Variants in NUP107 observed in about 807,000 individuals in gnomAD.
NUP107 encodes the protein nuclear pore complex protein Nup107.
NUP107 carries 101 observed loss-of-function variants against 141.0 expected under a neutral mutation model. That is an observed-to-expected ratio of 0.72 (90% CI 0.61 to 0.84). NUP107 has a LOEUF of 0.84. Ranked by LOEUF, NUP107 falls within the 40% of genes least tolerant of loss-of-function variation. The probability of loss-of-function intolerance (pLI) is 0.00; values close to 1 mark genes in which losing one functional copy is unlikely to be tolerated. For missense variants in NUP107, 941 were observed against 1,102.7 expected, an observed-to-expected ratio of 0.85 and a Z score of 2.08; for synonymous variants, 319 against 363.9, an observed-to-expected ratio of 0.88 and a Z score of 1.41.
Position 68,719,536 on chromosome 12 carries a change from G to A in NUP107, c.1175-42G>A, listed in dbSNP as rs375155717. 2.6e-5 allele frequency: 40 copies of A among 1,567,592 alleles called. No individual in the cohort carries two copies. In the African/African-American group the frequency reaches 5.3e-4, roughly 21 times the overall value. On this transcript the variant is annotated intron_variant, in intron 13 of 27. Transcript: ENST00000229179. The stretch of plus-strand genomic sequence containing the variant: ...CTCTTTTTAGAAAGAATTGTAATAA[G>A]GTCTTATTTTAAACCAGAAATTTTC...
chr12:68,716,925 T>A (rs561987007), intron 12 of NUP107, among the ~76,000 whole-genome samples: 43 of 151,716 alleles, frequency 2.8e-4, no homozygotes, highest in Middle Eastern at 3.4e-3. Context: ...TGAGATGGAG[T>A]CTCGCTCTGT....
intron 7 of NUP107, among the ~76,000 whole-genome samples, chr12:68,701,446 C>T (rs1876322875): frequency 6.6e-6 from 1 of 152,100 alleles, no homozygotes; most frequent in African/African-American, 2.4e-5. Context: ...CTTTGGGAGG[C>T]CAAGGTGGGT....
At position 68,726,565 on chromosome 12, in the gene NUP107, G is replaced by A. The variant is rs776367548; in HGVS notation, c.1643G>A (p.Arg548His). Residue 548 changes from arginine (R) to histidine (H), a missense_variant, in exon 19 of 28, where the codon CGC becomes CAC. Physicochemically the swap from Arg to His is conservative, Grantham distance 29. Transcript: ENST00000229179. ...AACAATCTACCTGGACACCTGCTTC[G>A]CTTTATGACTCACCTTATTTTGTTT... is the stretch of plus-strand genomic sequence containing the variant. ...SRNNLPGHLL[R>H]FMTHLILFFR... The A allele has an allele frequency of 1.9e-5, 30 of 1,613,764 alleles. No homozygotes were observed. The highest frequency in any genetic ancestry group is 9.9e-5 in the South Asian group (9 of 91,062).
At chr12:68,687,748 G>GC (rs1875568845) in intron 1 of NUP107, 1 of 636,438 alleles carries the variant, frequency 1.6e-6, no homozygotes, top group Non-Finnish European at 2.0e-6. Context: ...TGTTCTAAAG[G>GC]CGTTGAATAT....
At chr12:68,690,073 C>T (rs1027313276) in intron 3 of NUP107, among the ~76,000 whole-genome samples, 11 of 151,444 alleles carry the variant, frequency 7.3e-5, no homozygotes, top group Admixed American at 1.3e-4. Context: ...CCAGCTACTC[C>T]GGAGGGTGAG....
intron 6 of NUP107, among the ~76,000 whole-genome samples, chr12:68,697,747 T>C (rs1271587379): frequency 6.6e-6 from 1 of 152,090 alleles, no homozygotes; most frequent in Non-Finnish European, 1.5e-5. Context: ...AAAAATGCTT[T>C]GGCCAGACGT....
Position 68,706,149 on chromosome 12 carries a change from T to G in NUP107, c.730-3089T>G, listed in dbSNP as rs9668282. 4,965 of 766,144 alleles carry G rather than the reference T, an allele frequency of 6.5e-3. 178 individuals are homozygous for G. The African/African-American group carries it at 0.074, about 11-fold the overall frequency. The allele number at this position is 766,144 out of a possible 1,614,324, so 47.5% of individuals were successfully genotyped here. On this transcript the variant is annotated intron_variant, in intron 8 of 27. Coordinates refer to ENST00000229179, the MANE Select transcript of NUP107 (RefSeq NM_020401.4). ...GAACTTGATAACATGCAGGGGCTGG[T>G]GGAGGACTTCAAGAACAAGTACGAG...
chr12:68,717,301 T>G (rs532420844), intron 12 of NUP107, among the ~76,000 whole-genome samples: 2 of 152,122 alleles, frequency 1.3e-5, no homozygotes, highest in Non-Finnish European at 2.9e-5. Flanking sequence ...AGATAGTGAG[T>G]GTTTTGTATT....
intron 6 of NUP107, among the ~76,000 whole-genome samples, chr12:68,698,124 G>A (rs1421505435): frequency 6.6e-6 from 1 of 151,702 alleles, no homozygotes; most frequent in Non-Finnish European, 1.5e-5. Context: ...CTATTAGAAT[G>A]ATGAAGATCC....
chr12:68,692,180 C>A, intron 5 of NUP107, 68 bp downstream of exon 5: 1 of 1,394,792 alleles, frequency 7.2e-7, no homozygotes, highest in Non-Finnish European at 9.6e-7. Flanking sequence ...ACCATTTCTT[C>A]CTGTTTCTGA....
intron 26 of NUP107, 69 bp from the exon 27 acceptor site, chr12:68,741,744 C>T: frequency 6.9e-7 from 1 of 1,449,702 alleles, no homozygotes. Flanking sequence ...TGATTCAGTA[C>T]CTGGCTTTTC....
chr12:68,717,178 G>A (rs893166290), intron 12 of NUP107, among the ~76,000 whole-genome samples: 5 of 152,108 alleles, frequency 3.3e-5, no homozygotes, highest in African/African-American at 4.8e-5. Context: ...GATTACAGGC[G>A]TGAGCCACCA....
At chr12:68,719,286 C>A in intron 12 of NUP107, 55 bp from the exon 13 acceptor site, 1 of 1,314,428 alleles carries the variant, frequency 7.6e-7, no homozygotes, top group Non-Finnish European at 1.1e-6. Flanking sequence ...ATTGGTTATA[C>A]TTTACTATAA....
chr12:68,730,147 G>A (rs1055856187), intron 20 of NUP107, among the ~76,000 whole-genome samples: 2 of 146,920 alleles, frequency 1.4e-5, no homozygotes, highest in Non-Finnish European at 3.0e-5. Context: ...TTATTTTTTT[G>A]TAGAGACTGG....
chr12:68,713,878 T>G, intron 11 of NUP107, 70 bp downstream of exon 11: 1 of 1,214,178 alleles, frequency 8.2e-7, no homozygotes, highest in Non-Finnish European at 1.2e-6. Context: ...GAGAATTTTT[T>G]CTCGTGGATC....
chr12:68,719,507 G>C, intron 13 of NUP107, 71 bp from the exon 14 acceptor site: 1 of 1,556,418 alleles, frequency 6.4e-7, no homozygotes, highest in East Asian at 2.2e-5. Context: ...GTGAACTATA[G>C]CTTCTCTTTT....
chr12:68,699,985 C>T (rs1876248852), intron 6 of NUP107, among the ~76,000 whole-genome samples: 1 of 152,154 alleles, frequency 6.6e-6, no homozygotes, highest in Non-Finnish European at 1.5e-5. Context: ...TCACTGCAAC[C>T]TCTGCCTCCT....
chr12:68,743,814 C>A lies in NUP107; in HGVS notation c.*1352C>A, dbSNP rs755469393. 6.6e-6 allele frequency: 1 copy of A among 152,086 alleles called. No individual in the cohort carries two copies. Among genetic ancestry groups the A allele is most frequent in the Non-Finnish European group, 1.5e-5 (1 of 67,998 alleles). The allele number at this position is 152,086 out of a possible 1,614,324, so 9.4% of individuals were successfully genotyped here. On this transcript the variant is annotated 3_prime_UTR_variant, in exon 28 of 28. Transcript: ENST00000229179. ...AATTTGATCAGTTCTATATTATGTG[C>A]TTTTTTTGTTTTATTTCTCTAAAGA...
intron 5 of NUP107, among the ~76,000 whole-genome samples, chr12:68,695,305 G>T (rs1460481815): frequency 6.6e-6 from 1 of 152,190 alleles, no homozygotes; most frequent in Non-Finnish European, 1.5e-5. Context: ...GAGTCTCAAA[G>T]AAATATTTGT....
Sources: gnomAD v4.1 joint callset for allele counts (sites outside exome capture counted in the v4.1 genomes callset) on GRCh38, gnomAD v4.1.1 for gene constraint, MANE v1.5 for transcripts, NCBI Gene and HGNC (gene_info 2026-07-23, HGNC 2026-07-21) for gene names.